CALN1: variants seen among roughly 807,000 people sequenced by gnomAD.
CALN1 encodes the protein calcium-binding protein 8.
CALN1 carries 17 observed loss-of-function variants against 30.6 expected under a neutral mutation model. The observed-to-expected ratio is 0.56, with a 90% CI of 0.38 to 0.83. CALN1 has a LOEUF of 0.83. Among genes scored for constraint, CALN1 ranks in the 40% least tolerant of loss-of-function variants. The pLI is 0.00. For missense variants in CALN1, 291 were observed against 354.9 expected (o/e 0.82, Z 1.45); for synonymous variants, 156 against 131.4 (o/e 1.19, Z -1.28).
chr7:72,493,214 T>C, the CALN1 span, among the ~76,000 whole-genome samples: 1 of 152,202 alleles, frequency 6.6e-6, no homozygotes, highest in Admixed American at 6.5e-5. Context: ...TCTGTCTCTA[T>C]AGATTTGCTT....
At chr7:71,813,575 C>T (rs1788086777) in intron 5 of CALN1, among the ~76,000 whole-genome samples, 1 of 152,098 alleles carries the variant, frequency 6.6e-6, no homozygotes, top group Non-Finnish European at 1.5e-5. Flanking sequence ...TCCTTGAGAG[C>T]TATACTGGCC....
At chr7:71,876,334 A>T (rs1297703057) in intron 5 of CALN1, among the ~76,000 whole-genome samples, 4 of 152,142 alleles carry the variant, frequency 2.6e-5, no homozygotes, top group African/African-American at 9.7e-5. Context: ...GTGGGTTGTT[A>T]TAAAGCAAGG....
chr7:72,371,747 ACTGATAAAACTATGCTTT>A (rs1231390048), intron 2 of CALN1, among the ~76,000 whole-genome samples: 1 of 152,226 alleles, frequency 6.6e-6, no homozygotes, highest in Non-Finnish European at 1.5e-5. Context: ...ACCAGGTTTC[ACTGATAAAACTATGCTTT>A]CTCCACTGAA....
At chr7:72,325,704 A>C (rs1801224896) in intron 2 of CALN1, among the ~76,000 whole-genome samples, 2 of 152,184 alleles carry the variant, frequency 1.3e-5, no homozygotes, top group African/African-American at 4.8e-5. Flanking sequence ...AAATAACTTG[A>C]GGCTTGGGTC....
chr7:72,026,603 AG>A (rs1473902514), intron 4 of CALN1, among the ~76,000 whole-genome samples: 1 of 151,214 alleles, frequency 6.6e-6, no homozygotes, highest in Admixed American at 6.6e-5. Flanking sequence ...AAAAATAGAG[AG>A]GGGGTCTTGC....
chr7:72,398,399 G>A (rs1375541569), intron 2 of CALN1, among the ~76,000 whole-genome samples: 5 of 152,154 alleles, frequency 3.3e-5, no homozygotes, highest in Non-Finnish European at 5.9e-5. Flanking sequence ...TCCTTGCTTT[G>A]TCTACACGTT....
chr7:71,984,469 G>A (rs1463468882), intron 5 of CALN1, among the ~76,000 whole-genome samples: 2 of 152,186 alleles, frequency 1.3e-5, no homozygotes, highest in East Asian at 3.8e-4. Context: ...TGTTATCCAG[G>A]TGAAGAATTT....
At chr7:71,824,070 C>T (rs888860718) in intron 5 of CALN1, among the ~76,000 whole-genome samples, 7 of 152,232 alleles carry the variant, frequency 4.6e-5, no homozygotes, top group Non-Finnish European at 7.4e-5. Flanking sequence ...GGTGGGGACA[C>T]AGCCACACCA....
At chr7:72,248,412 T>C (rs1445701240) in intron 3 of CALN1, among the ~76,000 whole-genome samples, 1 of 152,184 alleles carries the variant, frequency 6.6e-6, no homozygotes, top group Non-Finnish European at 1.5e-5. Flanking sequence ...TTGCCTTTTC[T>C]CACTTCCAGA....
intron 2 of CALN1, among the ~76,000 whole-genome samples, chr7:72,310,486 T>A (rs1030474680): frequency 1.3e-5 from 2 of 151,530 alleles, no homozygotes; most frequent in African/African-American, 4.9e-5. Context: ...TTGGCTTCTG[T>A]GGTTATAATA....
At chr7:72,129,224 C>T (rs911279748) in intron 3 of CALN1, among the ~76,000 whole-genome samples, 1 of 152,176 alleles carries the variant, frequency 6.6e-6, no homozygotes, top group African/African-American at 2.4e-5. Flanking sequence ...TTTGATAACA[C>T]ACAGTGTGGA....
intron 5 of CALN1, among the ~76,000 whole-genome samples, chr7:71,871,616 C>G (rs1228511648): frequency 6.6e-6 from 1 of 152,156 alleles, no homozygotes; most frequent in South Asian, 2.1e-4. Context: ...TGTTCCTGGA[C>G]TGCCTCCTGC....
intron 3 of CALN1, among the ~76,000 whole-genome samples, chr7:72,267,602 C>G (rs916994505): frequency 6.6e-6 from 1 of 152,238 alleles, no homozygotes; most frequent in Non-Finnish European, 1.5e-5. Context: ...ATGGCATGGG[C>G]TGTGCAGCCA....
intron 3 of CALN1, among the ~76,000 whole-genome samples, chr7:72,129,152 G>A (rs1808969323): frequency 6.6e-6 from 1 of 152,090 alleles, no homozygotes; most frequent in Non-Finnish European, 1.5e-5. Flanking sequence ...TCAGAGAAAT[G>A]CAAATTAAAA....
intron 2 of CALN1, among the ~76,000 whole-genome samples, chr7:72,279,478 G>T (rs981666313): frequency 7.9e-5 from 12 of 152,180 alleles, no homozygotes; most frequent in Admixed American, 7.9e-4. Flanking sequence ...ACGCCTTCAG[G>T]TGTCCCACAA....
intron 3 of CALN1, among the ~76,000 whole-genome samples, chr7:72,134,793 T>TA (rs1433376533): frequency 6.6e-6 from 1 of 152,190 alleles, no homozygotes; most frequent in Non-Finnish European, 1.5e-5. Context: ...CTTCATTTCA[T>TA]AAAAAAATTA....
At chr7:72,256,264 G>A (rs1795905611) in intron 3 of CALN1, among the ~76,000 whole-genome samples, 1 of 152,134 alleles carries the variant, frequency 6.6e-6, no homozygotes, top group African/African-American at 2.4e-5. Context: ...TCTGAGACAA[G>A]CCTGAGCAAT....
intron 3 of CALN1, among the ~76,000 whole-genome samples, chr7:72,161,546 T>G (rs2129544855): frequency 6.6e-6 from 1 of 152,314 alleles, no homozygotes; most frequent in Middle Eastern, 3.4e-3. Context: ...TATCCTAAAT[T>G]ATCTAGAATT....
intron 5 of CALN1, among the ~76,000 whole-genome samples, chr7:71,902,576 T>C (rs1331160103): frequency 1.3e-5 from 2 of 152,158 alleles, no homozygotes; most frequent in African/African-American, 4.8e-5. Flanking sequence ...GAAAACAGTA[T>C]GGAGATTTAT....
Sources: allele counts gnomAD v4.1 joint callset (sites outside exome capture counted in the v4.1 genomes callset), GRCh38; gene constraint gnomAD v4.1.1; transcripts MANE v1.5; gene names NCBI Gene and HGNC (gene_info 2026-07-23, HGNC 2026-07-21).